The following ARID2 variants were observed in gnomAD, a reference collection of about 807,000 sequenced individuals.
ARID2 encodes AT-rich interactive domain-containing protein 2.
A neutral mutation model predicts 184.6 loss-of-function variants in ARID2; 32 were observed. That is an observed-to-expected ratio of 0.17 (90% confidence interval 0.13 to 0.23). ARID2 has a LOEUF of 0.23. ARID2 is among the 10% of genes least tolerant of loss of function. The pLI is 1.00. For missense variants in ARID2, 1,696 were observed against 2,197.6 expected (o/e 0.77, Z 4.56); for synonymous variants, 836 against 772.6 (o/e 1.08, Z -1.36).
At chr12:45,787,132 C>G (rs1026789517) in intron 3 of ARID2, among the ~76,000 whole-genome samples, 1 of 151,796 alleles carries the variant, frequency 6.6e-6, no homozygotes, top group African/African-American at 2.4e-5. Flanking sequence ...TAAGTGCTTT[C>G]ACCACAAAAA....
At chr12:45,872,644 C>G (rs1280977749) in intron 16 of ARID2, among the ~76,000 whole-genome samples, 1 of 152,204 alleles carries the variant, frequency 6.6e-6, no homozygotes, top group African/African-American at 2.4e-5. Flanking sequence ...CGTGAGAACT[C>G]ACTCACTATC....
chr12:45,758,251 T>C (rs149231866), intron 3 of ARID2, among the ~76,000 whole-genome samples: 15 of 152,326 alleles, frequency 9.8e-5, no homozygotes, highest in Non-Finnish European at 2.2e-4. Flanking sequence ...TTAGTCCAAC[T>C]TCATAGACTT....
At chr12:45,737,751 A>G (rs544603485) in intron 3 of ARID2, among the ~76,000 whole-genome samples, 1 of 152,310 alleles carries the variant, frequency 6.6e-6, no homozygotes, top group East Asian at 1.9e-4. Flanking sequence ...AAACCAATTT[A>G]GTTGCTGAGA....
At chr12:45,746,738 C>G (rs12426716) in intron 3 of ARID2, among the ~76,000 whole-genome samples, 22,550 of 152,016 alleles carry the variant, frequency 0.15, 2,017 homozygotes, top group Admixed American at 0.21. Flanking sequence ...GTTTAAGAAC[C>G]TTGCCCAGGT....
intron 20 of ARID2, among the ~76,000 whole-genome samples, chr12:45,894,253 A>G (rs1944339544): frequency 6.6e-6 from 1 of 152,250 alleles, no homozygotes; most frequent in South Asian, 2.1e-4. Context: ...GAGAGCAAAT[A>G]TAGAATATTC....
At chr12:45,824,689 T>G (rs572403062) in intron 6 of ARID2, among the ~76,000 whole-genome samples, 15 of 151,940 alleles carry the variant, frequency 9.9e-5, no homozygotes, top group African/African-American at 3.4e-4. Context: ...AAGTAAGTAA[T>G]ATAGCCATTA....
Position 45,850,574 on chromosome 12 carries a change from G to A in ARID2, c.2451G>A (p.Gln817=), listed in dbSNP as rs1355847696. The A allele has an allele frequency of 4.3e-6, 7 of 1,613,952 alleles. No homozygotes were observed. The highest frequency in any genetic ancestry group is 5.1e-6 in the Non-Finnish European group (6 of 1,179,996). The part of the protein sequence containing the change: ...NIPACTSTVS[Q]GQQLITTSPQ... Reference sequence around the variant, plus strand: ...CAGCATGTACTTCTACAGTTTCACAGGGTCAACAGTTAATCACCACATCAC... The same window carrying A: ...CAGCATGTACTTCTACAGTTTCACAAGGTCAACAGTTAATCACCACATCAC... The change falls in exon 15 of 21, where the codon CAG becomes CAA. Residue 817 remains glutamine, a synonymous_variant. Transcript: ENST00000334344.
chr12:45,741,260 C>T (rs988839554), intron 3 of ARID2, among the ~76,000 whole-genome samples: 6 of 152,132 alleles, frequency 3.9e-5, no homozygotes, highest in African/African-American at 1.4e-4. Context: ...TACAGTGACA[C>T]AAATCATGGC....
intron 8 of ARID2, 56 bp downstream of exon 8, chr12:45,837,047 C>T (rs936460527): frequency 1.1e-5 from 17 of 1,563,392 alleles, no homozygotes; most frequent in East Asian, 2.2e-5. Context: ...ATTTATGTTA[C>T]AATTTTAGGA....
In ARID2 at chr12:45,830,633, C is replaced by CT. The variant is rs537996063; in HGVS notation, c.706-5946dup. On this transcript the variant is annotated intron_variant, in intron 6 of 20. Transcript: ENST00000334344. ...AACCATTTGGTTATAGAATTATATA[C>CT]TTTTTTTTTTAACTCCAGAAAATTA... Among the ~76,000 whole-genome samples, 34 of 149,358 alleles carry CT rather than the reference C, an allele frequency of 2.3e-4. 1 individual carries two copies. Among genetic ancestry groups the CT allele is most frequent in the African/African-American group, 6.8e-4 (28 of 40,884 alleles).
At chr12:45,874,306 G>A (rs1451835739) in intron 16 of ARID2, 1 of 162,082 alleles carries the variant, frequency 6.2e-6, no homozygotes, top group Non-Finnish European at 1.3e-5. Flanking sequence ...CTCCAACCTG[G>A]ACAATAGAGC....
intron 3 of ARID2, among the ~76,000 whole-genome samples, chr12:45,783,178 C>T (rs1345116493): frequency 6.6e-6 from 1 of 151,248 alleles, no homozygotes; most frequent in African/African-American, 2.4e-5. Flanking sequence ...AAAAAAAAAT[C>T]CAAAGCTTAG....
chr12:45,817,360 A>T (rs911892590), intron 4 of ARID2, among the ~76,000 whole-genome samples: 8 of 152,018 alleles, frequency 5.3e-5, no homozygotes, highest in Non-Finnish European at 1.2e-4. Context: ...CTCAGAAAAT[A>T]AAAAAAGTGC....
Position 45,811,569 on chromosome 12 carries a change from T to G in ARID2, c.418+18T>G. 1.2e-6 allele frequency: 2 copies of G among 1,611,330 alleles called. No homozygotes were observed. Among genetic ancestry groups the G allele is most frequent in the Non-Finnish European group, 1.7e-6 (2 of 1,178,746 alleles). On this transcript the variant is annotated intron_variant, in intron 4 of 20. Transcript: ENST00000334344. The stretch of plus-strand genomic sequence containing the variant: ...TGTGTCGGGTAAATATCACTGCAAA[T>G]TAACAGGATATATGTCCGCAGTTTT...
chr12:45,837,327 C>T lies in ARID2; in HGVS notation c.1030C>T (p.Leu344=), dbSNP rs370882470. ...GTGTTGTTTCTTTTTCCAGCTTTTA[C>T]TGGACCCTGTTGATTTCAAAACTAC... The part of the protein sequence containing the change: ...TLGNIAAELL[L]DPVDFKTTHL... Residue 344 remains leucine (L), a synonymous_variant, in exon 9 of 21, where the codon CTG becomes TTG. Transcript: ENST00000334344. 1.6e-5 allele frequency: 26 copies of T among 1,604,894 alleles called. No homozygotes were observed. The Admixed American group carries it at 2.4e-4, about 15-fold the overall frequency.
At chr12:45,795,756 T>G (rs1407757910) in intron 3 of ARID2, among the ~76,000 whole-genome samples, 1 of 152,090 alleles carries the variant, frequency 6.6e-6, no homozygotes, top group East Asian at 1.9e-4. Context: ...TTTCTTTTCC[T>G]CCTATCTTGT....
At chr12:45,881,876 G>T in intron 16 of ARID2, 1 of 219,036 alleles carries the variant, frequency 4.6e-6, no homozygotes, top group Non-Finnish European at 9.1e-6. Context: ...CCTCCTCACT[G>T]TGTCTGGGAT....
intron 3 of ARID2, among the ~76,000 whole-genome samples, chr12:45,732,022 A>T (rs1173160699): frequency 6.7e-6 from 1 of 149,416 alleles, no homozygotes; most frequent in Non-Finnish European, 1.5e-5. Flanking sequence ...TTAATTTCTT[A>T]TTCAGTTGGT....
intron 3 of ARID2, among the ~76,000 whole-genome samples, chr12:45,792,931 T>C (rs1270418097): frequency 2.0e-5 from 3 of 152,202 alleles, no homozygotes; most frequent in Non-Finnish European, 2.9e-5. Context: ...TTTTAAAATG[T>C]AATTGGAGGA....
Sources: allele counts gnomAD v4.1 joint callset (sites outside exome capture counted in the v4.1 genomes callset), GRCh38; gene constraint gnomAD v4.1.1; transcripts MANE v1.5; gene names NCBI Gene and HGNC (gene_info 2026-07-23, HGNC 2026-07-21).